BLTP3B: variants seen among roughly 807,000 people sequenced by gnomAD.
BLTP3B encodes UHRF1 (ICBP90) binding protein 1-like.
the BLTP3B span, among the ~76,000 whole-genome samples, chr12:100,065,327 G>A: frequency 1.3e-5 from 2 of 151,852 alleles, no homozygotes; most frequent in African/African-American, 2.4e-5. Context: ...GAATAACAGC[G>A]ATTTTCAGGG....
chr12:100,124,809 C>T, the BLTP3B span, among the ~76,000 whole-genome samples: 56 of 150,470 alleles, frequency 3.7e-4, no homozygotes, highest in African/African-American at 1.4e-3. Context: ...GTAGTCCTAG[C>T]CACTTGGAAG....
the BLTP3B span, among the ~76,000 whole-genome samples, chr12:100,100,204 C>G: frequency 1.3e-5 from 2 of 151,904 alleles, no homozygotes; most frequent in East Asian, 1.9e-4. Flanking sequence ...ACTCGGGAGG[C>G]TGAGCTGAGA....
chr12:100,055,613 G>A, the BLTP3B span, among the ~76,000 whole-genome samples: 1 of 147,746 alleles, frequency 6.8e-6, no homozygotes, highest in African/African-American at 2.5e-5. Context: ...GGAGGCAGAA[G>A]TTGCAGTGAG....
chr12:100,044,127 T>G, the BLTP3B span, among the ~76,000 whole-genome samples: 1 of 152,150 alleles, frequency 6.6e-6, no homozygotes, highest in Non-Finnish European at 1.5e-5. Flanking sequence ...ACCTGAATTT[T>G]TGGGAGCTAA....
At chr12:100,050,921 T>A in the BLTP3B span, among the ~76,000 whole-genome samples, 1,109 of 152,166 alleles carry the variant, frequency 7.3e-3, 12 homozygotes, top group African/African-American at 0.025. Context: ...GGAAAAACGA[T>A]TGGGGGGAGG....
chr12:100,120,680 T>C, the BLTP3B span, among the ~76,000 whole-genome samples: 1 of 152,182 alleles, frequency 6.6e-6, no homozygotes, highest in Non-Finnish European at 1.5e-5. Context: ...AATTTGTTTT[T>C]AAAGTGATGC....
the BLTP3B span, among the ~76,000 whole-genome samples, chr12:100,132,496 C>T: frequency 3.9e-5 from 6 of 152,184 alleles, no homozygotes; most frequent in Non-Finnish European, 8.8e-5. Context: ...GCCAAGACAT[C>T]CCTCAGGCTC....
chr12:100,059,321 A>C, the BLTP3B span: 2 of 1,614,058 alleles, frequency 1.2e-6, no homozygotes, highest in South Asian at 1.1e-5. Flanking sequence ...TTGGATGTAG[A>C]AGATTAAAAT....
the BLTP3B span, among the ~76,000 whole-genome samples, chr12:100,117,264 C>A: frequency 1.3e-5 from 2 of 152,118 alleles, no homozygotes; most frequent in Non-Finnish European, 2.9e-5. Flanking sequence ...CAGTGGAGAA[C>A]TTGGCAAATG....
At chr12:100,071,259 G>A in the BLTP3B span, among the ~76,000 whole-genome samples, 2 of 152,080 alleles carry the variant, frequency 1.3e-5, no homozygotes, top group South Asian at 4.2e-4. Flanking sequence ...CACTTCGGGA[G>A]GCTGAGGTAG....
the BLTP3B span, chr12:100,059,698 A>G: frequency 2.7e-6 from 3 of 1,099,650 alleles, no homozygotes; most frequent in Admixed American, 3.2e-5. Flanking sequence ...ATCTTATTAA[A>G]TTGAGTAAAG....
chr12:100,052,824 C>T, the BLTP3B span, among the ~76,000 whole-genome samples: 4 of 136,632 alleles, frequency 2.9e-5, no homozygotes, highest in African/African-American at 5.7e-5. Flanking sequence ...GACAGAGTCT[C>T]GCTCTGTCAC....
At chr12:100,093,176 A>C in the BLTP3B span, among the ~76,000 whole-genome samples, 3 of 152,222 alleles carry the variant, frequency 2.0e-5, no homozygotes, top group Non-Finnish European at 2.9e-5. Flanking sequence ...CTGTTTGCCA[A>C]ACGTTTAAAA....
At chr12:100,104,645 CA>C in the BLTP3B span, among the ~76,000 whole-genome samples, 2 of 151,306 alleles carry the variant, frequency 1.3e-5, no homozygotes, top group South Asian at 4.1e-4. Flanking sequence ...AAGACAAATA[CA>C]AAAGTTCGGC....
the BLTP3B span, among the ~76,000 whole-genome samples, chr12:100,123,584 G>A: frequency 8.5e-5 from 13 of 152,114 alleles, no homozygotes; most frequent in Non-Finnish European, 1.2e-4. Flanking sequence ...ACTGCCCTCC[G>A]TCACCCCAGT....
At chr12:100,039,677 G>A in the BLTP3B span, 1 of 1,613,982 alleles carries the variant, frequency 6.2e-7, no homozygotes, top group African/African-American at 1.3e-5. Flanking sequence ...TTGTCTGAGT[G>A]GCTTGCGTGA....
the BLTP3B span, chr12:100,070,262 C>T: frequency 7.3e-7 from 1 of 1,378,786 alleles, no homozygotes; most frequent in Non-Finnish European, 9.5e-7. Context: ...GATTAAATGC[C>T]AGAAGGTTTT....
the BLTP3B span, chr12:100,037,799 C>T: frequency 6.7e-7 from 1 of 1,499,732 alleles, no homozygotes; most frequent in Admixed American, 2.1e-5. Flanking sequence ...TTAATCATTT[C>T]AGGAAATACA....
chr12:100,075,465 C>T, the BLTP3B span, among the ~76,000 whole-genome samples: 1 of 152,090 alleles, frequency 6.6e-6, no homozygotes, highest in Non-Finnish European at 1.5e-5. Context: ...ACGGCAATCA[C>T]AACAAAAACA....
Sources: gnomAD v4.1 joint callset for allele counts (sites outside exome capture counted in the v4.1 genomes callset) on GRCh38, gnomAD v4.1.1 for gene constraint, MANE v1.5 for transcripts, NCBI Gene and HGNC (gene_info 2026-07-23, HGNC 2026-07-21) for gene names.